ARG2: variants seen among roughly 807,000 people sequenced by gnomAD.
ARG2 encodes arginase-2, mitochondrial.
ARG2 carries 21 observed loss-of-function variants against 39.4 expected under a neutral mutation model. The observed-to-expected ratio is 0.53, with a 90% confidence interval of 0.38 to 0.77. ARG2 has a LOEUF of 0.77. ARG2 is among the 30% of genes least tolerant of loss of function. The probability of loss-of-function intolerance (pLI) is 0.00; values close to 1 mark genes in which losing one functional copy is unlikely to be tolerated. For missense variants in ARG2, 378 were observed against 426.2 expected, an observed-to-expected ratio of 0.89 and a Z score of 1.00; for synonymous variants, 150 against 156.7, an observed-to-expected ratio of 0.96 and a Z score of 0.32.
chr14:67,623,933 T>C (rs143159607), intron 2 of ARG2, among the ~76,000 whole-genome samples: 1 of 152,252 alleles, frequency 6.6e-6, no homozygotes, highest in Non-Finnish European at 1.5e-5. Context: ...CTCAACCTCC[T>C]GGACTCAAGC....
intron 7 of ARG2, 70 bp from the exon 8 acceptor site, chr14:67,650,645 C>A: frequency 7.1e-7 from 1 of 1,402,684 alleles, no homozygotes; most frequent in Non-Finnish European, 1.0e-6. Flanking sequence ...TCTCCCTGTC[C>A]CAGTGGGATG....
intron 2 of ARG2, among the ~76,000 whole-genome samples, chr14:67,626,581 C>T (rs1358592052): frequency 3.3e-5 from 5 of 152,220 alleles, no homozygotes; most frequent in South Asian, 2.1e-4. Flanking sequence ...GGTGCAATCT[C>T]GGCCTCAGCC....
At chr14:67,625,479 G>A (rs1033317657) in intron 2 of ARG2, among the ~76,000 whole-genome samples, 2 of 151,746 alleles carry the variant, frequency 1.3e-5, no homozygotes, top group Non-Finnish European at 2.9e-5. Context: ...AGGAGTTCGA[G>A]ACCAGCCTCA....
chr14:67,619,954 T>G lies in ARG2; in HGVS notation c.-24T>G. On this transcript the variant is annotated 5_prime_UTR_variant, in exon 1 of 8. Transcript: ENST00000261783. ...TTCCAACCGCGCGGAGCCTCTGCCT[T>G]GGAGATTCTCAGTGCTGCGGATCAT... is the stretch of plus-strand genomic sequence containing the variant. 4.0e-5 allele frequency: 61 copies of G among 1,517,562 alleles called. No individual in the cohort carries two copies. The highest frequency in any genetic ancestry group is 5.2e-5 in the Non-Finnish European group (58 of 1,118,036). 94.0% of individuals were successfully genotyped at this position (1,517,562 alleles called of 1,614,324 possible). A position where few individuals can be genotyped will look rare whatever the true frequency, so the allele number is the denominator to read the frequency against.
intron 2 of ARG2, among the ~76,000 whole-genome samples, chr14:67,629,505 T>C (rs909058072): frequency 6.6e-6 from 1 of 152,176 alleles, no homozygotes; most frequent in Non-Finnish European, 1.5e-5. Flanking sequence ...CAAAGTGGAA[T>C]ATCAGTTACT....
At chr14:67,645,944 G>A in intron 4 of ARG2, 142 bp downstream of exon 4, 1 of 972,632 alleles carries the variant, frequency 1.0e-6, no homozygotes, top group East Asian at 2.6e-5. Flanking sequence ...TATGGACCAG[G>A]CAGTCTGCCA....
intron 2 of ARG2, among the ~76,000 whole-genome samples, chr14:67,622,821 C>T (rs1364016586): frequency 6.6e-6 from 1 of 152,306 alleles, no homozygotes; most frequent in African/African-American, 2.4e-5. Flanking sequence ...TGACAAGAAG[C>T]GGTTTCAGCC....
At chr14:67,635,724 G>T (rs555350412) in intron 2 of ARG2, among the ~76,000 whole-genome samples, 1 of 152,224 alleles carries the variant, frequency 6.6e-6, no homozygotes, top group South Asian at 2.1e-4. Flanking sequence ...GTGGTGGCAG[G>T]CACCTGTAAT....
In ARG2 at chr14:67,631,430, C is replaced by CTTT. The variant is rs1447220086; in HGVS notation, c.184+10465_184+10467dup. Among the ~76,000 whole-genome samples, 696 of 128,314 alleles carry CTTT rather than the reference C, an allele frequency of 5.4e-3. 39 individuals carry two copies. The highest frequency in any genetic ancestry group is 0.048 in the East Asian group (200 of 4,204). The allele number at this position is 128,314 out of a possible 152,430, so 84.2% of individuals were successfully genotyped here. A position where few individuals can be genotyped will look rare whatever the true frequency, so the allele number is the denominator to read the frequency against. On this transcript the variant is annotated intron_variant, in intron 2 of 7. Coordinates refer to ENST00000261783, the MANE Select transcript of ARG2 (RefSeq NM_001172.4). ...AATTCCTCTAGTAAATCCTTTCTTTCTTTCTTTTTTTTTTTTTTTTTTTGA... is the reference window on the plus strand; with the variant it reads ...AATTCCTCTAGTAAATCCTTTCTTTCTTTTTTCTTTTTTTTTTTTTTTTTTTGA...
intron 4 of ARG2, 154 bp from the exon 5 acceptor site, chr14:67,646,490 T>C: frequency 1.7e-6 from 1 of 586,906 alleles, no homozygotes; most frequent in East Asian, 2.9e-5. Flanking sequence ...CTTGTGTCAC[T>C]TCTCCTTCCC....
chr14:67,635,714 G>A lies in ARG2; in HGVS notation c.185-6472G>A, dbSNP rs192359944. On this transcript the variant is annotated intron_variant, in intron 2 of 7. Coordinates refer to ENST00000261783, the MANE Select transcript of ARG2 (RefSeq NM_001172.4). ...CTGAAAATGCAAAAATTAGCCGGGC[G>A]TGGTGGCAGGCACCTGTAATACCAG... 1.7e-3 allele frequency among the ~76,000 whole-genome samples: 253 copies of A among 152,234 alleles called. 2 individuals carry two copies. Among genetic ancestry groups the A allele is most frequent in the African/African-American group, 2.6e-3 (106 of 41,558 alleles).
chr14:67,648,233 TAG>T (rs1449753069), intron 7 of ARG2, 50 bp downstream of exon 7: 1 of 1,561,474 alleles, frequency 6.4e-7, no homozygotes, highest in Non-Finnish European at 8.7e-7. Context: ...GTAAATATGC[TAG>T]AGTCTCTTGC....
chr14:67,645,495 T>C, intron 3 of ARG2, 148 bp from the exon 4 acceptor site: 1 of 792,810 alleles, frequency 1.3e-6, no homozygotes, highest in Non-Finnish European at 1.9e-6. Flanking sequence ...GAACTACAAC[T>C]ACAGGTCTTG....
chr14:67,634,470 TG>T (rs1248900691), intron 2 of ARG2, among the ~76,000 whole-genome samples: 8 of 151,636 alleles, frequency 5.3e-5, no homozygotes, highest in African/African-American at 1.9e-4. Context: ...GTGTGGCTTC[TG>T]TAGTCCCAGC....
chr14:67,624,433 G>C (rs1034609659), intron 2 of ARG2, among the ~76,000 whole-genome samples: 5 of 152,216 alleles, frequency 3.3e-5, no homozygotes, highest in African/African-American at 1.2e-4. Flanking sequence ...ATTGACTCAT[G>C]GTTCTGCAGG....
At chr14:67,642,855 T>C (rs1316760829) in intron 3 of ARG2, among the ~76,000 whole-genome samples, 1 of 126,618 alleles carries the variant, frequency 7.9e-6, no homozygotes, top group Non-Finnish European at 1.6e-5. Context: ...CAGGCTGGAG[T>C]ACAGTGGCAT....
Position 67,651,245 on chromosome 14 carries a change from C to T in ARG2, c.*325C>T. The T allele has an allele frequency of 1.3e-6, 2 of 1,508,470 alleles. No homozygotes were observed. Among genetic ancestry groups the T allele is most frequent in the Non-Finnish European group, 1.8e-6 (2 of 1,129,838 alleles). 93.4% of individuals were successfully genotyped at this position (1,508,470 alleles called of 1,614,324 possible). A position where few individuals can be genotyped will look rare whatever the true frequency, so the allele number is the denominator to read the frequency against. ...ATTTAAGTGGTTTTTCATCTTTCCT[C>T]CCTCCTCCCACAGCCTGGCTATACA... On this transcript the variant is annotated 3_prime_UTR_variant, in exon 8 of 8. Coordinates refer to ENST00000261783, the MANE Select transcript of ARG2 (RefSeq NM_001172.4).
intron 2 of ARG2, among the ~76,000 whole-genome samples, chr14:67,622,948 T>G (rs2036826210): frequency 6.6e-6 from 1 of 152,226 alleles, no homozygotes; most frequent in Admixed American, 6.5e-5. Context: ...GTCACAGCTC[T>G]TGGTATTTTT....
chr14:67,648,016 TTAAG>T, intron 6 of ARG2, 27 bp from the exon 7 acceptor site: 2 of 1,558,844 alleles, frequency 1.3e-6, no homozygotes, highest in Non-Finnish European at 1.7e-6. Context: ...AAGTATTATT[TTAAG>T]TATTATTTTA....
Sources: allele counts gnomAD v4.1 joint callset (sites outside exome capture counted in the v4.1 genomes callset), GRCh38; gene constraint gnomAD v4.1.1; transcripts MANE v1.5; gene names NCBI Gene and HGNC (gene_info 2026-07-23, HGNC 2026-07-21).